PDZRN3: variants seen among roughly 807,000 people sequenced by gnomAD.
The protein encoded by PDZRN3 is E3 ubiquitin-protein ligase PDZRN3.
In PDZRN3, 38 loss-of-function variants were observed where a neutral mutation model predicts 85.7. That is an observed-to-expected ratio of 0.44 (90% confidence interval 0.34 to 0.58). PDZRN3 has a LOEUF of 0.58. Among genes scored for constraint, PDZRN3 ranks in the 20% least tolerant of loss-of-function variants. The pLI, the probability that PDZRN3 is intolerant of heterozygous loss-of-function variation, is 0.01. For synonymous variants in PDZRN3, 759 were observed against 638.0 expected (o/e 1.19, Z -2.86); for missense variants, 1,629 against 1,506.4 (o/e 1.08, Z -1.35).
intron 5 of PDZRN3, among the ~76,000 whole-genome samples, chr3:73,395,900 C>A (rs182569927): frequency 6.6e-6 from 1 of 152,248 alleles, no homozygotes; most frequent in African/African-American, 2.4e-5. Flanking sequence ...TCTTAGGGAG[C>A]TTGTATTCTA....
intron 3 of PDZRN3, among the ~76,000 whole-genome samples, chr3:73,446,544 T>C (rs4677285): frequency 0.89 from 136,171 of 152,216 alleles, 61,015 homozygotes; most frequent in East Asian, 1. Flanking sequence ...AAAAAATTAT[T>C]AGACATAACC....
chr3:73,403,157 AG>A (rs1701788265), intron 4 of PDZRN3, among the ~76,000 whole-genome samples: 1 of 152,130 alleles, frequency 6.6e-6, no homozygotes, highest in African/African-American at 2.4e-5. Flanking sequence ...CGTGTTAACC[AG>A]GATGGTCTCA....
chr3:73,527,193 C>T (rs1704544560), intron 3 of PDZRN3, among the ~76,000 whole-genome samples: 2 of 152,098 alleles, frequency 1.3e-5, no homozygotes, highest in African/African-American at 4.8e-5. Flanking sequence ...TCCTGATGCA[C>T]AGTGGTAAGG....
chr3:73,535,865 A>T (rs975031976), intron 3 of PDZRN3, among the ~76,000 whole-genome samples: 3 of 152,244 alleles, frequency 2.0e-5, no homozygotes, highest in Non-Finnish European at 4.4e-5. Flanking sequence ...AGCAGACTCT[A>T]GCTATGCCCT....
At chr3:73,430,113 C>T (rs1234114166) in intron 3 of PDZRN3, among the ~76,000 whole-genome samples, 1 of 152,190 alleles carries the variant, frequency 6.6e-6, no homozygotes, top group Non-Finnish European at 1.5e-5. Flanking sequence ...GCAGATCTGA[C>T]TCCCAGTCCC....
At chr3:73,601,051 A>T (rs1318839660) in intron 3 of PDZRN3, among the ~76,000 whole-genome samples, 2 of 151,930 alleles carry the variant, frequency 1.3e-5, no homozygotes, top group Non-Finnish European at 2.9e-5. Flanking sequence ...AGCACATCAC[A>T]CTCCCTCCGA....
chr3:73,398,282 C>T (rs759477024), intron 5 of PDZRN3, among the ~76,000 whole-genome samples: 43 of 152,078 alleles, frequency 2.8e-4, no homozygotes, highest in Admixed American at 1.8e-3. Context: ...CGTGACTTGG[C>T]GGCACATCTC....
chr3:73,446,665 C>T (rs1253905987), intron 3 of PDZRN3, among the ~76,000 whole-genome samples: 1 of 152,160 alleles, frequency 6.6e-6, no homozygotes, highest in East Asian at 1.9e-4. Context: ...CAGAGAGCAA[C>T]ATGTCCCAGG....
chr3:73,511,720 A>T (rs1704168467), intron 3 of PDZRN3, among the ~76,000 whole-genome samples: 1 of 152,222 alleles, frequency 6.6e-6, no homozygotes, highest in South Asian at 2.1e-4. Context: ...AACGGCTAAC[A>T]AATCCATGTA....
intron 1 of PDZRN3, among the ~76,000 whole-genome samples, chr3:73,616,692 A>C (rs1437040291): frequency 4.6e-5 from 7 of 152,204 alleles, no homozygotes; most frequent in Non-Finnish European, 2.9e-5. Context: ...TTATTTGAAA[A>C]AATGTTAAAA....
chr3:73,535,083 T>C (rs1704745164), intron 3 of PDZRN3, among the ~76,000 whole-genome samples: 1 of 152,078 alleles, frequency 6.6e-6, no homozygotes, highest in African/African-American at 2.4e-5. Context: ...ATCACCTGGG[T>C]CTGCCGTGTT....
chr3:73,388,121 TAGA>T, intron 7 of PDZRN3, 52 bp from the exon 8 acceptor site: 1 of 859,670 alleles, frequency 1.2e-6, no homozygotes, highest in Non-Finnish European at 1.8e-6. Flanking sequence ...ATAGCATGAT[TAGA>T]TGGTGCAAAA....
chr3:73,540,671 T>G (rs1373273682), intron 3 of PDZRN3, among the ~76,000 whole-genome samples: 1 of 152,162 alleles, frequency 6.6e-6, no homozygotes, highest in Non-Finnish European at 1.5e-5. Flanking sequence ...CCTGTTTACC[T>G]CCCCTTTCAC....
chr3:73,482,431 T>C (rs896782684), intron 3 of PDZRN3, among the ~76,000 whole-genome samples: 4 of 152,322 alleles, frequency 2.6e-5, no homozygotes, highest in Admixed American at 6.5e-5. Flanking sequence ...CAACTTTAGA[T>C]AGACACAACC....
At chr3:73,406,220 T>C (rs553471066) in intron 3 of PDZRN3, among the ~76,000 whole-genome samples, 58 of 152,314 alleles carry the variant, frequency 3.8e-4, no homozygotes, top group African/African-American at 1.2e-3. Flanking sequence ...ACTACGACTG[T>C]TGCCATGTTT....
Position 73,401,664 on chromosome 3 carries a change from C to T in PDZRN3, c.1167-655G>A, listed in dbSNP as rs1304273949. The T allele has an allele frequency of 2.0e-5, 3 of 152,202 alleles. No individual in the cohort carries two copies. In the East Asian group the frequency reaches 5.8e-4, roughly 29 times the overall value. 9.4% of individuals were successfully genotyped at this position (152,202 alleles called of 1,614,324 possible). A position where few individuals can be genotyped will look rare whatever the true frequency, so the allele number is the denominator to read the frequency against. Reference sequence around the variant, plus strand: ...GCTAGGAGACTGGAAGCTTATGTTTCCCTAGGACAACATATGCAAAACACA... The same window carrying T: ...GCTAGGAGACTGGAAGCTTATGTTTTCCTAGGACAACATATGCAAAACACA... On this transcript the variant is annotated intron_variant, in intron 4 of 9. Coordinates refer to ENST00000263666, the MANE Select transcript of PDZRN3 (RefSeq NM_015009.3).
chr3:73,387,967 C>T lies in PDZRN3; in HGVS notation c.1518+1G>A. ...GTTTCATCTGTAGGAAGCCAATTTA[C>T]CTGGAGTTCAGGCCTTGCAATCAGC... On this transcript the variant is annotated splice_donor_variant, in intron 8 of 9. Transcript: ENST00000263666. LOFTEE classifies it high-confidence loss of function. The T allele has an allele frequency of 6.8e-7, 1 of 1,471,490 alleles. No individual in the cohort carries two copies. Among genetic ancestry groups the T allele is most frequent in the South Asian group, 1.2e-5 (1 of 82,596 alleles). 91.2% of individuals were successfully genotyped at this position (1,471,490 alleles called of 1,614,324 possible).
chr3:73,610,687 A>G (rs1702670570), intron 1 of PDZRN3, among the ~76,000 whole-genome samples: 1 of 152,240 alleles, frequency 6.6e-6, no homozygotes. Context: ...GAAACTGCAC[A>G]GTTACACAGT....
At chr3:73,608,034 A>G (rs140434456) in intron 2 of PDZRN3, among the ~76,000 whole-genome samples, 2,949 of 152,270 alleles carry the variant, frequency 0.019, 45 homozygotes, top group Non-Finnish European at 0.028. Context: ...TTCTTTGAAC[A>G]TTTTCCCCAT....
Sources: allele counts gnomAD v4.1 joint callset (sites outside exome capture counted in the v4.1 genomes callset), GRCh38; gene constraint gnomAD v4.1.1; transcripts MANE v1.5; gene names NCBI Gene and HGNC (gene_info 2026-07-23, HGNC 2026-07-21).